The following VPS13B variants were observed in gnomAD, a reference collection of about 807,000 sequenced individuals.
The protein encoded by VPS13B is intermembrane lipid transfer protein VPS13B.
VPS13B carries 285 observed loss-of-function variants against 426.4 expected under a neutral mutation model. The ratio of observed to expected loss-of-function variants is 0.67; its 90% confidence interval spans 0.61 to 0.74. The LOEUF is 0.74. Among genes scored for constraint, VPS13B ranks in the 30% least tolerant of loss-of-function variants. The probability of loss-of-function intolerance (pLI) is 0.00; values close to 1 mark genes in which losing one functional copy is unlikely to be tolerated. For synonymous variants in VPS13B, 1,676 were observed against 1,676.4 expected, an observed-to-expected ratio of 1.00 and a Z score of 0.01; for missense variants, 4,537 against 4,782.6, an observed-to-expected ratio of 0.95 and a Z score of 1.51.
intron 43 of VPS13B, among the ~76,000 whole-genome samples, chr8:99,800,688 C>T (rs1289456181): frequency 6.6e-6 from 1 of 151,884 alleles, no homozygotes; most frequent in Non-Finnish European, 1.5e-5. Context: ...ATGAAAAATG[C>T]TACTATTTTC....
chr8:99,383,927 A>G (rs1269353534), intron 19 of VPS13B, among the ~76,000 whole-genome samples: 2 of 152,160 alleles, frequency 1.3e-5, no homozygotes, highest in African/African-American at 4.8e-5. Context: ...GAGCATTTGA[A>G]TACAAGTTTT....
intron 3 of VPS13B, among the ~76,000 whole-genome samples, chr8:99,086,443 CCTT>C (rs1434739421): frequency 3.9e-5 from 6 of 152,148 alleles, no homozygotes; most frequent in Admixed American, 3.9e-4. Flanking sequence ...TCGTCTGAAG[CCTT>C]CTTCTCTCAA....
intron 28 of VPS13B, 47 bp from the exon 29 acceptor site, chr8:99,511,057 A>T: frequency 6.2e-7 from 1 of 1,602,842 alleles, no homozygotes; most frequent in African/African-American, 1.3e-5. Context: ...TTTTAAAAAA[A>T]ATCTTTTTAA....
intron 19 of VPS13B, among the ~76,000 whole-genome samples, chr8:99,370,479 G>A (rs1300692642): frequency 6.6e-6 from 1 of 152,108 alleles, no homozygotes; most frequent in African/African-American, 2.4e-5. Context: ...AGCTTTGTAG[G>A]CTATGGTGAG....
chr8:99,485,114 T>A (rs761424678), intron 25 of VPS13B, among the ~76,000 whole-genome samples: 3 of 152,210 alleles, frequency 2.0e-5, no homozygotes, highest in Non-Finnish European at 4.4e-5. Context: ...ATGCTTCATG[T>A]AACTTGTTAA....
At chr8:99,581,386 A>T (rs1249046583) in intron 33 of VPS13B, among the ~76,000 whole-genome samples, 1 of 152,208 alleles carries the variant, frequency 6.6e-6, no homozygotes, top group East Asian at 1.9e-4. Context: ...ACCAGTTCAC[A>T]GCCAAAATGA....
At chr8:99,558,499 T>C (rs1019764384) in intron 31 of VPS13B, among the ~76,000 whole-genome samples, 6 of 152,178 alleles carry the variant, frequency 3.9e-5, no homozygotes, top group South Asian at 2.1e-4. Flanking sequence ...CATGTTGGTG[T>C]GCTGCACCCA....
At chr8:99,515,400 T>TTCCTCC (rs751830064) in intron 29 of VPS13B, among the ~76,000 whole-genome samples, 51 of 150,832 alleles carry the variant, frequency 3.4e-4, no homozygotes, top group Middle Eastern at 6.9e-3. Flanking sequence ...CTGCTTCTGC[T>TTCCTCC]TCCTCCTCCT....
chr8:99,845,732 A>G (rs891559821), intron 54 of VPS13B, among the ~76,000 whole-genome samples: 1 of 152,234 alleles, frequency 6.6e-6, no homozygotes, highest in Non-Finnish European at 1.5e-5. Flanking sequence ...TTCCACAGCT[A>G]TCTAGAGCAG....
intron 40 of VPS13B, among the ~76,000 whole-genome samples, chr8:99,773,380 A>G (rs991547462): frequency 1.3e-5 from 2 of 152,184 alleles, no homozygotes; most frequent in African/African-American, 4.8e-5. Flanking sequence ...AATCTTTATT[A>G]CCATAAAGGG....
chr8:99,501,190 A>G (rs899680201), intron 25 of VPS13B, among the ~76,000 whole-genome samples: 2 of 152,212 alleles, frequency 1.3e-5, no homozygotes, highest in Non-Finnish European at 2.9e-5. Context: ...TAAATACTCT[A>G]TAGAAGGGGT....
At chr8:99,069,964 C>T (rs1028095927) in intron 3 of VPS13B, among the ~76,000 whole-genome samples, 1 of 152,202 alleles carries the variant, frequency 6.6e-6, no homozygotes, top group Non-Finnish European at 1.5e-5. Flanking sequence ...AGTGTGGTGG[C>T]ACAGTCACAG....
chr8:99,668,002 G>A (rs1830554487), intron 35 of VPS13B, among the ~76,000 whole-genome samples: 1 of 152,066 alleles, frequency 6.6e-6, no homozygotes, highest in African/African-American at 2.4e-5. Context: ...AATAATAAAA[G>A]CACTACAAGT....
chr8:99,107,646 G>A (rs1847118027), intron 5 of VPS13B, among the ~76,000 whole-genome samples: 1 of 152,004 alleles, frequency 6.6e-6, no homozygotes, highest in Non-Finnish European at 1.5e-5. Flanking sequence ...TATTGACATT[G>A]CCCATAGTGC....
At position 99,360,168 on chromosome 8, in the gene VPS13B, T is replaced by C. The variant is rs1283630651; in HGVS notation, c.2825-24040T>C. Reference sequence around the variant, plus strand: ...TTTCTTTCTTTCTTTCTTTCTTTCTTTCTTTCTTTCTTTCTTTCTTTCTCT... The same window carrying C: ...TTTCTTTCTTTCTTTCTTTCTTTCTCTCTTTCTTTCTTTCTTTCTTTCTCT... On this transcript the variant is annotated intron_variant, in intron 19 of 61. Transcript: ENST00000357162. 4.5e-3 allele frequency among the ~76,000 whole-genome samples: 183 copies of C among 40,836 alleles called. 5 individuals are homozygous for C. Among genetic ancestry groups the C allele is most frequent in the African/African-American group, 0.019 (165 of 8,742 alleles). 26.8% of individuals were successfully genotyped at this position (40,836 alleles called of 152,430 possible).
At chr8:99,231,870 A>G (rs1432660496) in intron 17 of VPS13B, among the ~76,000 whole-genome samples, 1 of 152,206 alleles carries the variant, frequency 6.6e-6, no homozygotes, top group African/African-American at 2.4e-5. Flanking sequence ...TTTGCTGAAT[A>G]TTGATGGCTT....
intron 43 of VPS13B, among the ~76,000 whole-genome samples, chr8:99,798,788 A>G (rs199721344): frequency 3.0e-4 from 46 of 152,380 alleles, no homozygotes; most frequent in African/African-American, 1.1e-3. Context: ...TTCACAAGCC[A>G]GTGCTCTGCA....
intron 16 of VPS13B, among the ~76,000 whole-genome samples, chr8:99,173,463 T>C (rs1812465991): frequency 6.6e-6 from 1 of 152,202 alleles, no homozygotes; most frequent in Non-Finnish European, 1.5e-5. Flanking sequence ...CTTAAAATGA[T>C]GTTTATACAA....
rs575757182 is a variant in VPS13B, at chr8:99,737,578, A to G, written c.7050+16531A>G. Among the ~76,000 whole-genome samples, 4 of 152,264 alleles carry G rather than the reference A, an allele frequency of 2.6e-5. No individual in the cohort carries two copies. The East Asian group carries it at 5.8e-4, about 22-fold the overall frequency. ...CTTATAAAATAGTTTTCTAATTTCT[A>G]TTTCATTACCTGTACTATTAGTTAA... On this transcript the variant is annotated intron_variant, in intron 39 of 61. Coordinates refer to ENST00000357162, the MANE Select transcript of VPS13B (RefSeq NM_152564.5).
Sources: allele counts gnomAD v4.1 joint callset (sites outside exome capture counted in the v4.1 genomes callset), GRCh38; gene constraint gnomAD v4.1.1; transcripts MANE v1.5; gene names NCBI Gene and HGNC (gene_info 2026-07-23, HGNC 2026-07-21).